Variants in COL4A1 observed in about 807,000 individuals in gnomAD.
COL4A1 encodes collagen alpha-1(IV) chain.
A neutral mutation model predicts 216.6 loss-of-function variants in COL4A1; 40 were observed. The ratio of observed to expected loss-of-function variants is 0.18; its 90% CI spans 0.14 to 0.24. COL4A1 has a LOEUF of 0.24. Among genes scored for constraint, COL4A1 ranks in the 10% least tolerant of loss-of-function variants. The pLI is 1.00. For missense variants in COL4A1, 1,628 were observed against 2,196.8 expected, an observed-to-expected ratio of 0.74 and a Z score of 5.18; for synonymous variants, 839 against 810.7, an observed-to-expected ratio of 1.03 and a Z score of -0.59.
intron 2 of COL4A1, 48 bp from the exon 3 acceptor site, chr13:110,214,063 G>C: frequency 6.5e-7 from 1 of 1,530,294 alleles, no homozygotes; most frequent in East Asian, 2.2e-5. Context: ...GTAAAGAACA[G>C]AGGAAGGAAT....
At chr13:110,192,649 A>C (rs9515163) in intron 23 of COL4A1, among the ~76,000 whole-genome samples, 181 bp downstream of exon 23, 1 of 152,040 alleles carries the variant, frequency 6.6e-6, no homozygotes, top group Admixed American at 6.6e-5. Flanking sequence ...TTATGAGGCC[A>C]TCTTGATCAT....
intron 28 of COL4A1, 22 bp downstream of exon 28, chr13:110,182,971 C>T (rs745997043): frequency 1.4e-5 from 22 of 1,601,602 alleles, no homozygotes; most frequent in East Asian, 2.2e-5. Context: ...ACCAAAGGCT[C>T]GGGTCCGTCT....
intron 2 of COL4A1, among the ~76,000 whole-genome samples, chr13:110,230,910 A>G (rs369097752): frequency 2.6e-4 from 40 of 152,226 alleles, no homozygotes; most frequent in East Asian, 9.7e-4. Flanking sequence ...ACACCCGTTT[A>G]CCCAGGGCCT....
chr13:110,155,338 A>T lies in COL4A1; in HGVS notation c.4700T>A (p.Ile1567Asn). The T allele has an allele frequency of 6.2e-7, 1 of 1,614,162 alleles. No individual in the cohort carries two copies. The highest frequency in any genetic ancestry group is 8.5e-7 in the Non-Finnish European group (1 of 1,180,028). ...VMAVHSQTIQ[I>N]PPCPSGWSSL... ...GGACCACCCGCTGGGGCACGGTGGG[A>T]TCTGAATGGTCTGGCTGTGCACGGC... The change falls in exon 50 of 52, where the codon ATC (isoleucine) becomes AAC (asparagine). Residue 1567 changes from isoleucine (I) to asparagine (N), a missense_variant. Ile to Asn is a moderately radical substitution (Grantham distance 149). Transcript: ENST00000375820.
At chr13:110,156,996 A>G (rs563517497) in intron 49 of COL4A1, among the ~76,000 whole-genome samples, 59 of 152,334 alleles carry the variant, frequency 3.9e-4, no homozygotes, top group African/African-American at 1.2e-3. Context: ...ATCTGCCACC[A>G]TCTGTTTGCT....
At chr13:110,237,037 C>T (rs1194840375) in intron 2 of COL4A1, among the ~76,000 whole-genome samples, 1 of 152,080 alleles carries the variant, frequency 6.6e-6, no homozygotes, top group Non-Finnish European at 1.5e-5. Flanking sequence ...GGGAGGTCTG[C>T]CCAGGGCCCC....
In COL4A1 at chr13:110,214,145, G is replaced by A. The variant is rs1217326571; in HGVS notation, c.145-130C>T. 1.2e-5 allele frequency: 9 copies of A among 755,004 alleles called. No homozygotes were observed. The East Asian group carries it at 1.6e-4, about 13-fold the overall frequency. The allele number at this position is 755,004 out of a possible 1,614,324, so 46.8% of individuals were successfully genotyped here. A position where few individuals can be genotyped will look rare whatever the true frequency, so the allele number is the denominator to read the frequency against. The stretch of plus-strand genomic sequence containing the variant: ...GTCTCATTCTGTTGCCCAGGCTGGA[G>A]TGCATGCACGATCTCGGCTCACTGC... On this transcript the variant is annotated intron_variant, in intron 2 of 51. Coordinates refer to ENST00000375820, the MANE Select transcript of COL4A1 (RefSeq NM_001845.6).
intron 1 of COL4A1, among the ~76,000 whole-genome samples, chr13:110,260,689 G>A (rs1366061452): frequency 6.6e-6 from 1 of 152,184 alleles, no homozygotes; most frequent in Non-Finnish European, 1.5e-5. Flanking sequence ...GAGTTCTGGA[G>A]TGGATGGTGG....
intron 43 of COL4A1, 80 bp downstream of exon 43, chr13:110,169,549 A>G: frequency 6.3e-7 from 1 of 1,597,886 alleles, no homozygotes; most frequent in Non-Finnish European, 8.5e-7. Flanking sequence ...CACAAAATAC[A>G]TACACACATA....
intron 21 of COL4A1, among the ~76,000 whole-genome samples, chr13:110,195,809 C>T (rs888794133): frequency 4.6e-5 from 7 of 152,232 alleles, no homozygotes; most frequent in African/African-American, 9.6e-5. Flanking sequence ...CAGTGAACAA[C>T]TTGGTATCCA....
chr13:110,229,089 C>T (rs185518555), intron 2 of COL4A1, among the ~76,000 whole-genome samples: 23 of 152,248 alleles, frequency 1.5e-4, no homozygotes, highest in East Asian at 5.8e-4. Flanking sequence ...GCAGAGTCAC[C>T]GCTCCCCTTT....
chr13:110,288,101 A>G (rs769541453), intron 1 of COL4A1, among the ~76,000 whole-genome samples: 13 of 129,580 alleles, frequency 1.0e-4, no homozygotes, highest in Non-Finnish European at 1.4e-4. Context: ...CTAAAAATAC[A>G]AAAAAAAAAA....
chr13:110,278,075 G>A (rs932863106), intron 1 of COL4A1, among the ~76,000 whole-genome samples: 2 of 152,190 alleles, frequency 1.3e-5, no homozygotes, highest in Non-Finnish European at 1.5e-5. Flanking sequence ...ATACGTTAAC[G>A]TATTTAGAAT....
In COL4A1 at chr13:110,174,546, A is replaced by C. The variant is rs1877789881; in HGVS notation, c.3326-20T>G. ...GACTTCCTAAAGAAAAAAACAAAAC[A>C]CCAGAACATCCATAAGTTTGGGCTT... On this transcript the variant is annotated intron_variant, in intron 38 of 51. Coordinates refer to ENST00000375820, the MANE Select transcript of COL4A1 (RefSeq NM_001845.6). The C allele has an allele frequency of 6.2e-7, 1 of 1,613,990 alleles. No individual in the cohort carries two copies. The highest frequency in any genetic ancestry group is 8.5e-7 in the Non-Finnish European group (1 of 1,180,028).
At chr13:110,203,179 C>T (rs1016260570) in intron 18 of COL4A1, among the ~76,000 whole-genome samples, 2 of 151,808 alleles carry the variant, frequency 1.3e-5, no homozygotes, top group Non-Finnish European at 2.9e-5. Flanking sequence ...CACCACTGCA[C>T]TCCAGCCTGG....
chr13:110,252,445 G>A (rs12021142), intron 1 of COL4A1, among the ~76,000 whole-genome samples: 1 of 114,028 alleles, frequency 8.8e-6, no homozygotes, highest in African/African-American at 3.3e-5. Context: ...ATAATTATAC[G>A]TATATGTATT....
chr13:110,184,679 A>ACT (rs931253078), intron 26 of COL4A1, among the ~76,000 whole-genome samples: 3 of 136,012 alleles, frequency 2.2e-5, no homozygotes, highest in South Asian at 2.3e-4. Flanking sequence ...TAGGAACTGG[A>ACT]CTGTGTGTGT....
intron 49 of COL4A1, among the ~76,000 whole-genome samples, chr13:110,156,142 G>A (rs2138421833): frequency 6.6e-6 from 1 of 152,356 alleles, no homozygotes; most frequent in Middle Eastern, 3.4e-3. Context: ...GGGGAAAATA[G>A]GAAGGCAAAG....
chr13:110,241,970 T>C (rs1302383631), intron 2 of COL4A1, among the ~76,000 whole-genome samples: 1 of 152,110 alleles, frequency 6.6e-6, no homozygotes, highest in Non-Finnish European at 1.5e-5. Flanking sequence ...TGGCTTAAGG[T>C]GGTGGCATTT....
Sources: allele counts gnomAD v4.1 joint callset (sites outside exome capture counted in the v4.1 genomes callset), GRCh38; gene constraint gnomAD v4.1.1; transcripts MANE v1.5; gene names NCBI Gene and HGNC (gene_info 2026-07-23, HGNC 2026-07-21).